Variants in AGMO observed in about 807,000 individuals in gnomAD.
AGMO encodes glyceryl-ether monooxygenase.
Under a neutral mutation model 60.2 loss-of-function variants are expected in AGMO, and 75 were observed. The ratio of observed to expected loss-of-function variants is 1.25; its 90% CI spans 1.03 to 1.51. AGMO has a LOEUF of 1.51. Among genes scored for constraint, AGMO ranks in the 40% most tolerant of loss-of-function variants. AGMO has a pLI of 0.00. For synonymous variants in AGMO, 261 were observed against 177.1 expected (o/e 1.47, Z -3.76); for missense variants, 763 against 525.5 (o/e 1.45, Z -4.42).
Position 15,365,536 on chromosome 7 carries a change from G to GT in AGMO, c.1240_1241insA (p.Pro414HisfsTer8). 1 of 1,612,434 alleles carries GT rather than the reference G, an allele frequency of 6.2e-7. No individual in the cohort carries two copies. Among genetic ancestry groups the GT allele is most frequent in the Non-Finnish European group, 8.5e-7 (1 of 1,178,832 alleles). ...TACCTCAAAAGCAGATGACAATGAA[G>GT]GGACAAGAGGCTTCAGGTGACCAAA... On this transcript the variant is annotated frameshift_variant, in exon 12 of 13. Transcript: ENST00000342526. LOFTEE classifies it high-confidence loss of function.
At chr7:15,388,568 TAAAATA>T (rs968634128) in intron 8 of AGMO, among the ~76,000 whole-genome samples, 3 of 152,202 alleles carry the variant, frequency 2.0e-5, no homozygotes, top group Non-Finnish European at 4.4e-5. Context: ...GGTAATGTTT[TAAAATA>T]AAATATTGTT....
At chr7:15,321,303 T>G (rs1459287390) in intron 12 of AGMO, among the ~76,000 whole-genome samples, 1 of 152,116 alleles carries the variant, frequency 6.6e-6, no homozygotes, top group East Asian at 1.9e-4. Context: ...CAAACGGATG[T>G]TCTACATTAT....
rs893865939 is a variant in AGMO, at chr7:15,475,456, C to T, written c.410-44348G>A. The stretch of plus-strand genomic sequence containing the variant: ...TAACACAGGAACAGAAAACCAAACA[C>T]CGCATGTTCTCACTCACAAGTGGGA... On this transcript the variant is annotated intron_variant, in intron 3 of 12. Transcript: ENST00000342526. Among the ~76,000 whole-genome samples, 4 of 152,166 alleles carry T rather than the reference C, an allele frequency of 2.6e-5. No homozygotes were observed. The East Asian group carries it at 5.8e-4, about 22-fold the overall frequency.
intron 5 of AGMO, among the ~76,000 whole-genome samples, chr7:15,413,354 AG>A (rs1780668915): frequency 6.6e-6 from 1 of 152,184 alleles, no homozygotes; most frequent in Non-Finnish European, 1.5e-5. Context: ...AGTGTCATAC[AG>A]AATACACATG....
At chr7:15,304,491 G>T (rs1189235450) in intron 12 of AGMO, among the ~76,000 whole-genome samples, 2 of 152,062 alleles carry the variant, frequency 1.3e-5, no homozygotes, top group African/African-American at 2.4e-5. Flanking sequence ...TTACTAAATG[G>T]TGGTGATTTA....
the AGMO span, among the ~76,000 whole-genome samples, chr7:15,145,430 A>C: frequency 1.3e-5 from 2 of 152,192 alleles, no homozygotes; most frequent in Admixed American, 6.5e-5. Flanking sequence ...TATAGTATGA[A>C]TACAATAAAA....
chr7:15,530,306 C>T lies in AGMO; in HGVS notation c.409+14466G>A, dbSNP rs200520680. ...CATATATATTCTATATACGTATTTC[C>T]ATATATATTCTATATACGTATTTCC... On this transcript the variant is annotated intron_variant, in intron 3 of 12. Transcript: ENST00000342526. Among the ~76,000 whole-genome samples the T allele has an allele frequency of 5.9e-3, 106 of 18,058 alleles. 21 individuals are homozygous for T. In the East Asian group the frequency reaches 0.12, roughly 20 times the overall value. 11.8% of individuals were successfully genotyped at this position (18,058 alleles called of 152,430 possible).
intron 3 of AGMO, among the ~76,000 whole-genome samples, chr7:15,443,143 A>G (rs1056819874): frequency 2.0e-5 from 3 of 152,220 alleles, no homozygotes; most frequent in African/African-American, 7.2e-5. Context: ...ACACCAAGGC[A>G]GGAAACCCTG....
chr7:15,375,568 TG>T (rs1181117059), intron 10 of AGMO, among the ~76,000 whole-genome samples: 2 of 151,962 alleles, frequency 1.3e-5, no homozygotes, highest in African/African-American at 4.8e-5. Flanking sequence ...AGCTAATTTT[TG>T]TATTTTTAGC....
chr7:15,374,135 A>C (rs1449069238), intron 10 of AGMO, among the ~76,000 whole-genome samples: 1 of 152,172 alleles, frequency 6.6e-6, no homozygotes, highest in African/African-American at 2.4e-5. Flanking sequence ...CCAATGTGAC[A>C]CCATACTGCA....
At chr7:15,382,533 TAAATAAAATG>T (rs1783734011) in intron 10 of AGMO, among the ~76,000 whole-genome samples, 1 of 152,174 alleles carries the variant, frequency 6.6e-6, no homozygotes, top group Non-Finnish European at 1.5e-5. Flanking sequence ...TTTTCCTTCT[TAAATAAAATG>T]AAATAAAATT....
At chr7:15,423,411 C>T (rs1313907075) in intron 4 of AGMO, among the ~76,000 whole-genome samples, 1 of 152,092 alleles carries the variant, frequency 6.6e-6, no homozygotes, top group Non-Finnish European at 1.5e-5. Flanking sequence ...TTTAAGTAAC[C>T]TATGCCTATT....
intron 6 of AGMO, among the ~76,000 whole-genome samples, 158 bp downstream of exon 6, chr7:15,393,955 A>G (rs1784257641): frequency 7.6e-6 from 1 of 132,380 alleles, no homozygotes; most frequent in South Asian, 2.7e-4. Context: ...TTTGGAGATG[A>G]GGCTTGTACC....
intron 1 of AGMO, 142 bp from the exon 2 acceptor site, chr7:15,560,413 A>C: frequency 1.3e-6 from 1 of 746,746 alleles, no homozygotes. Context: ...TTAGAGGATT[A>C]CTTCCTACAC....
chr7:15,173,370 T>C, the AGMO span, among the ~76,000 whole-genome samples: 26 of 152,308 alleles, frequency 1.7e-4, no homozygotes, highest in East Asian at 1.4e-3. Context: ...GGATAAAATG[T>C]CATTTACTTT....
At chr7:15,325,921 C>A (rs6461167) in intron 12 of AGMO, among the ~76,000 whole-genome samples, 115,711 of 151,632 alleles carry the variant, frequency 0.76, 44,512 homozygotes, top group East Asian at 0.96. Flanking sequence ...AGGAAGAAGA[C>A]GGAGGAGGAG....
downstream of AGMO, among the ~76,000 whole-genome samples, chr7:15,197,300 T>C (rs1781143899): frequency 6.6e-6 from 1 of 152,184 alleles, no homozygotes; most frequent in Non-Finnish European, 1.5e-5. Flanking sequence ...GTATACCATA[T>C]GTTAAAGAAT....
intron 3 of AGMO, among the ~76,000 whole-genome samples, chr7:15,481,459 G>T (rs1782747642): frequency 6.6e-6 from 1 of 151,870 alleles, no homozygotes; most frequent in Non-Finnish European, 1.5e-5. Flanking sequence ...ATAATAAAAA[G>T]AAATATTTCA....
intron 12 of AGMO, among the ~76,000 whole-genome samples, chr7:15,205,831 T>A (rs1446195918): frequency 6.6e-6 from 1 of 152,104 alleles, no homozygotes; most frequent in Non-Finnish European, 1.5e-5. Context: ...ATGTATACCC[T>A]GGCCCTAAAT....
Sources: gnomAD v4.1 joint callset for allele counts (sites outside exome capture counted in the v4.1 genomes callset) on GRCh38, gnomAD v4.1.1 for gene constraint, MANE v1.5 for transcripts, NCBI Gene and HGNC (gene_info 2026-07-23, HGNC 2026-07-21) for gene names.